The following RELCH variants were observed in gnomAD, a reference collection of about 807,000 sequenced individuals.
RELCH encodes the protein RAB11-binding protein RELCH.
In RELCH, 41 loss-of-function variants were observed where a neutral mutation model predicts 150.3. That is an observed-to-expected ratio of 0.27 (90% confidence interval 0.21 to 0.35). The LOEUF (loss-of-function observed/expected upper bound fraction) is 0.35, where lower values mean the gene tolerates loss of function less well. RELCH is among the 10% of genes least tolerant of loss of function. RELCH has a pLI of 1.00. For synonymous variants in RELCH, 478 were observed against 531.8 expected (o/e 0.90, Z 1.39); for missense variants, 1,092 against 1,467.8 (o/e 0.74, Z 4.18).
intron 26 of RELCH, among the ~76,000 whole-genome samples, chr18:62,291,277 T>A (rs2045118194): frequency 6.6e-6 from 1 of 152,222 alleles, no homozygotes; most frequent in Admixed American, 6.5e-5. Flanking sequence ...TTACGCTCAC[T>A]TTATACATTT....
intron 13 of RELCH, among the ~76,000 whole-genome samples, chr18:62,256,927 A>G (rs1022728892): frequency 3.9e-5 from 6 of 152,084 alleles, no homozygotes; most frequent in African/African-American, 1.2e-4. Flanking sequence ...AAAAGATGTT[A>G]TATATTCACC....
intron 1 of RELCH, among the ~76,000 whole-genome samples, chr18:62,193,622 C>T (rs2038810213): frequency 6.6e-6 from 1 of 152,084 alleles, no homozygotes; most frequent in African/African-American, 2.4e-5. Context: ...TTGAGATAAT[C>T]ATGTGGTTTT....
rs907531313 is a variant in RELCH, at chr18:62,308,043, TTAGGATATGTCACTACTA to T, written c.*2530_*2547del. 3.9e-5 allele frequency: 6 copies of T among 152,170 alleles called. No individual in the cohort carries two copies. Among genetic ancestry groups the T allele is most frequent in the Admixed American group, 6.5e-5 (1 of 15,282 alleles). 9.4% of individuals were successfully genotyped at this position (152,170 alleles called of 1,614,324 possible). On this transcript the variant is annotated 3_prime_UTR_variant, in exon 29 of 29. Coordinates refer to ENST00000644646, the MANE Select transcript of RELCH (RefSeq NM_001346231.2). ...ATGCCATCCTCATTATCCATAGCTT[TTAGGATATGTCACTACTA>T]TAGGATATGTCACTACTATACACTA...
chr18:62,211,857 T>G (rs895196655), intron 2 of RELCH, among the ~76,000 whole-genome samples: 1 of 152,174 alleles, frequency 6.6e-6, no homozygotes, highest in Non-Finnish European at 1.5e-5. Flanking sequence ...TTGAGTTCCC[T>G]GAGTGCTCAC....
In RELCH at chr18:62,221,263, C is replaced by A; in HGVS notation, c.733C>A (p.Pro245Thr). The change falls in exon 4 of 29, where the codon CCT becomes ACT. Residue 245 changes from proline (P) to threonine (T), a missense_variant. This residue lies in a region of RELCH where 190 missense variants were observed against 276.2 expected (regional missense o/e 0.69). Coordinates refer to ENST00000644646, the MANE Select transcript of RELCH (RefSeq NM_001346231.2). ...LQERKNYKSS[P>T]EIQEPIKPLE... is the part of the protein sequence containing the mutation. Reference sequence around the variant, plus strand: ...GGAACGAAAAAATTACAAATCAAGTCCTGAAATTCAGGTGGGTGACAGAAG... The same window carrying A: ...GGAACGAAAAAATTACAAATCAAGTACTGAAATTCAGGTGGGTGACAGAAG... The A allele has an allele frequency of 6.2e-7, 1 of 1,610,470 alleles. No homozygotes were observed. The highest frequency in any genetic ancestry group is 8.5e-7 in the Non-Finnish European group (1 of 1,177,266).
Position 62,308,125 on chromosome 18 carries a change from T to C in RELCH, c.*2591T>C, listed in dbSNP as rs2045927685. ...GGTCTCAAGTCAAGGTGCTATCACATTCTTGTTTTTAAAAAGTTGGCTCAA... is the reference window on the plus strand; with the variant it reads ...GGTCTCAAGTCAAGGTGCTATCACACTCTTGTTTTTAAAAAGTTGGCTCAA... On this transcript the variant is annotated 3_prime_UTR_variant, in exon 29 of 29. Coordinates refer to ENST00000644646, the MANE Select transcript of RELCH (RefSeq NM_001346231.2). 1 of 152,228 alleles carries C rather than the reference T, an allele frequency of 6.6e-6. No individual in the cohort carries two copies. The highest frequency in any genetic ancestry group is 2.1e-4 in the South Asian group (1 of 4,838). 9.4% of individuals were successfully genotyped at this position (152,228 alleles called of 1,614,324 possible).
intron 26 of RELCH, among the ~76,000 whole-genome samples, chr18:62,291,271 G>A (rs1042593479): frequency 2.0e-5 from 3 of 151,936 alleles, no homozygotes; most frequent in East Asian, 1.9e-4. Context: ...TAATTGTTAC[G>A]CTCACTTTAT....
rs2045535538 is a variant in RELCH, at chr18:62,298,796, T to C, written c.3466T>C (p.Leu1156=). 3 of 1,542,984 alleles carry C rather than the reference T, an allele frequency of 1.9e-6. No individual in the cohort carries two copies. Among genetic ancestry groups the C allele is most frequent in the East Asian group, 4.5e-5 (2 of 44,390 alleles). Reference sequence around the variant, plus strand: ...GGTAAATTTTTTTAATCAGGTTATTTTAAGTTCCATGATAAAAGAATGTGA... The same window carrying C: ...GGTAAATTTTTTTAATCAGGTTATTCTAAGTTCCATGATAAAAGAATGTGA... ...EHLSPEHEVI[L]SSMIKECEQK... The change falls in exon 28 of 29, where the codon TTA becomes CTA. Residue 1156 remains leucine (L), a synonymous_variant. Coordinates refer to ENST00000644646, the MANE Select transcript of RELCH (RefSeq NM_001346231.2).
At chr18:62,211,778 TAAGC>T (rs776865243) in intron 2 of RELCH, among the ~76,000 whole-genome samples, 13 of 151,878 alleles carry the variant, frequency 8.6e-5, no homozygotes, top group Non-Finnish European at 1.9e-4. Flanking sequence ...AAAAAATAAA[TAAGC>T]AAATAAATAA....
intron 1 of RELCH, among the ~76,000 whole-genome samples, chr18:62,204,001 T>C (rs78214262): frequency 0.081 from 12,376 of 152,072 alleles, 620 homozygotes; most frequent in South Asian, 0.18. Context: ...AGATATAAGA[T>C]TGTATATATA....
intron 24 of RELCH, among the ~76,000 whole-genome samples, chr18:62,281,963 A>G (rs1296882525): frequency 6.6e-6 from 1 of 152,200 alleles, no homozygotes; most frequent in Non-Finnish European, 1.5e-5. Flanking sequence ...GGTAACTTAC[A>G]GTGTGATTTG....
chr18:62,196,147 T>C (rs944468339), intron 1 of RELCH, among the ~76,000 whole-genome samples: 32 of 152,342 alleles, frequency 2.1e-4, no homozygotes, highest in African/African-American at 7.7e-4. Context: ...CTTTATAAAG[T>C]AGTTCCCCTC....
At chr18:62,289,145 T>C (rs1600251092) in intron 26 of RELCH, among the ~76,000 whole-genome samples, 2 of 152,278 alleles carry the variant, frequency 1.3e-5, no homozygotes, top group African/African-American at 2.4e-5. Flanking sequence ...TGTTTAGACA[T>C]GCATAGAATA....
rs542672590 is a variant in RELCH at position 62,301,127 on chromosome 18, A to G, written c.3530+2267A>G. 3.3e-5 allele frequency: 5 copies of G among 152,422 alleles called. No homozygotes were observed. In the South Asian group the frequency reaches 1.0e-3, roughly 32 times the overall value. 9.4% of individuals were successfully genotyped at this position (152,422 alleles called of 1,614,324 possible). On this transcript the variant is annotated intron_variant, in intron 28 of 28. Coordinates refer to ENST00000644646, the MANE Select transcript of RELCH (RefSeq NM_001346231.2). Reference sequence around the variant, plus strand: ...GCTGACTAGGGAGGAAAAAAGGAAGAGCAAAAGAGGATTACATGCAGAAAA... The same window carrying G: ...GCTGACTAGGGAGGAAAAAAGGAAGGGCAAAAGAGGATTACATGCAGAAAA...
chr18:62,211,124 A>C, intron 1 of RELCH, 29 bp from the exon 2 acceptor site: 1 of 1,261,368 alleles, frequency 7.9e-7, no homozygotes, highest in Non-Finnish European at 1.1e-6. Flanking sequence ...AATTAAATTA[A>C]AAAACTTTTA....
At chr18:62,193,636 C>G (rs2038811205) in intron 1 of RELCH, among the ~76,000 whole-genome samples, 1 of 152,018 alleles carries the variant, frequency 6.6e-6, no homozygotes, top group African/African-American at 2.4e-5. Context: ...TGGTTTTTGT[C>G]TTTAGTTCTG....
chr18:62,269,001 CCTAGTATTGTGTCTT>C, intron 20 of RELCH, 53 bp downstream of exon 20: 1 of 880,364 alleles, frequency 1.1e-6, no homozygotes, highest in Non-Finnish European at 1.7e-6. Context: ...TAGAAAAATG[CCTAGTATTGTGTCTT>C]CTTAATGTAA....
rs760712993 is a variant in RELCH, at chr18:62,248,473, G to A, written c.1733+3597G>A. On this transcript the variant is annotated intron_variant, in intron 11 of 28. Transcript: ENST00000644646. ...TTTGTAATAAGCAGAGGGAACACTG[G>A]CCTCACCCACAATGTTCTGCAATAT... Among the ~76,000 whole-genome samples, 6 of 152,034 alleles carry A rather than the reference G, an allele frequency of 3.9e-5. No individual in the cohort carries two copies. The South Asian group carries it at 8.3e-4, about 21-fold the overall frequency.
At chr18:62,280,735 G>A in intron 24 of RELCH, 26 bp downstream of exon 24, 1 of 1,450,278 alleles carries the variant, frequency 6.9e-7, no homozygotes, top group Admixed American at 1.7e-5. Flanking sequence ...ATTTATTTAT[G>A]TCTGTGTAAT....
Sources: gnomAD v4.1 joint callset for allele counts (sites outside exome capture counted in the v4.1 genomes callset) on GRCh38, gnomAD v4.1.1 for gene constraint, gnomAD v4.1.1 regional missense constraint, MANE v1.5 for transcripts, NCBI Gene and HGNC (gene_info 2026-07-23, HGNC 2026-07-21) for gene names.